PRKDC: variants seen among roughly 807,000 people sequenced by gnomAD.
PRKDC encodes DNA-dependent protein kinase catalytic subunit.
A neutral mutation model predicts 486.9 loss-of-function variants in PRKDC; 82 were observed. The ratio of observed to expected loss-of-function variants is 0.17; its 90% confidence interval spans 0.14 to 0.20. The LOEUF (loss-of-function observed/expected upper bound fraction) is 0.20, where lower values mean the gene tolerates loss of function less well. Among genes scored for constraint, PRKDC ranks in the 10% least tolerant of loss-of-function variants. The pLI, the probability that PRKDC is intolerant of heterozygous loss-of-function variation, is 1.00. For synonymous variants in PRKDC, 1,895 were observed against 1,837.0 expected, an observed-to-expected ratio of 1.03 and a Z score of -0.81; for missense variants, 4,504 against 5,038.2, an observed-to-expected ratio of 0.89 and a Z score of 3.21.
chr8:47,879,546 C>G lies in PRKDC; in HGVS notation c.5180G>C (p.Arg1727Thr), dbSNP rs1468916716. 4.4e-6 allele frequency: 7 copies of G among 1,597,712 alleles called. No homozygotes were observed. The South Asian group carries it at 8.0e-5, about 18-fold the overall frequency. ...CCGCGGAGTTCCTGGAGGAAATTCC[C>G]TGGACTGCATGGGGAAGTGAGCAAC... Reference protein sequence around the residue: ...LIVAHFPMQSREFPPGTPRFN... With the variant: ...LIVAHFPMQSTEFPPGTPRFN... The change falls in exon 39 of 86, where the codon AGG becomes ACG. Residue 1727 changes from arginine (R) to threonine (T), a missense_variant. Arg to Thr is a moderately conservative substitution (Grantham distance 71, BLOSUM62 -1). This residue lies in a region of PRKDC where 1,969 missense variants were observed against 2,068.9 expected (regional missense o/e 0.95). Transcript: ENST00000314191.
chr8:47,937,922 C>T (rs950752720), intron 11 of PRKDC, among the ~76,000 whole-genome samples: 1 of 152,054 alleles, frequency 6.6e-6, no homozygotes, highest in Non-Finnish European at 1.5e-5. Context: ...CATGAACAGT[C>T]TGTGTAACGA....
chr8:47,860,863 T>C (rs1310354307), intron 45 of PRKDC, 36 bp downstream of exon 45: 1 of 1,520,380 alleles, frequency 6.6e-7, no homozygotes. Context: ...AACCCATCGA[T>C]TTGAATCCTT....
At position 47,929,893 on chromosome 8, in the gene PRKDC, G is replaced by A. The variant is rs1019336608; in HGVS notation, c.2012C>T (p.Ser671Phe). ...PLISGFYKLLSITVRNAKKIK... is the reference protein window; with the variant it reads ...PLISGFYKLLFITVRNAKKIK... ...TTTCTTGGCATTTCTTACTGTAATA[G>A]AAAGCAATTTGTAGAAACCACTGAT... Residue 671 changes from serine to phenylalanine, a missense_variant, in exon 18 of 86, where the codon TCT becomes TTT. Ser to Phe is a radical substitution (Grantham distance 155). Transcript: ENST00000314191. 3 of 1,603,146 alleles carry A rather than the reference G, an allele frequency of 1.9e-6. No homozygotes were observed. Among genetic ancestry groups the A allele is most frequent in the Admixed American group, 1.8e-5 (1 of 56,810 alleles).
chr8:47,909,380 A>G (rs1024288185), intron 25 of PRKDC, among the ~76,000 whole-genome samples: 12 of 152,230 alleles, frequency 7.9e-5, no homozygotes, highest in African/African-American at 2.9e-4. Flanking sequence ...CAATACTCTT[A>G]TAATTTCTTA....
chr8:47,876,118 C>G (rs981867910), intron 40 of PRKDC, among the ~76,000 whole-genome samples: 1 of 152,154 alleles, frequency 6.6e-6, no homozygotes, highest in Non-Finnish European at 1.5e-5. Flanking sequence ...TGGCAGTCAA[C>G]TGTAAATGGT....
At chr8:47,952,768 T>A (rs966876703) in intron 7 of PRKDC, among the ~76,000 whole-genome samples, 3 of 151,990 alleles carry the variant, frequency 2.0e-5, no homozygotes, top group African/African-American at 7.3e-5. Flanking sequence ...CTTTAGGAAG[T>A]TGAGGCAGGC....
At chr8:47,902,498 T>A (rs192071747) in intron 27 of PRKDC, 71 bp downstream of exon 27, 2 of 1,077,406 alleles carry the variant, frequency 1.9e-6, no homozygotes, top group Admixed American at 3.1e-5. Context: ...GACACACGGA[T>A]ACACAGAGTG....
chr8:47,938,233 C>T lies in PRKDC; in HGVS notation c.1113+1318G>A, dbSNP rs575032129. Among the ~76,000 whole-genome samples, 29 of 151,742 alleles carry T rather than the reference C, an allele frequency of 1.9e-4. No individual in the cohort carries two copies. In the East Asian group the frequency reaches 2.9e-3, roughly 15 times the overall value. ...ACCAGCCTGACCAACATGGAGAAAC[C>T]CTGTCTCTACTAAAAATACAAAAAA... On this transcript the variant is annotated intron_variant, in intron 11 of 85. Coordinates refer to ENST00000314191, the MANE Select transcript of PRKDC (RefSeq NM_006904.7).
intron 21 of PRKDC, among the ~76,000 whole-genome samples, chr8:47,919,585 C>CT (rs756444631): frequency 1.1e-4 from 17 of 152,214 alleles, no homozygotes; most frequent in Non-Finnish European, 2.5e-4. Flanking sequence ...AGCAAGTCTT[C>CT]TCTTGGTTCC....
At chr8:47,838,633 A>C (rs2088077868) in intron 56 of PRKDC, among the ~76,000 whole-genome samples, 1 of 152,152 alleles carries the variant, frequency 6.6e-6, no homozygotes, top group Admixed American at 6.5e-5. Flanking sequence ...ATAATAATAA[A>C]AAGTTTACCC....
chr8:47,794,696 CTT>C, intron 73 of PRKDC, among the ~76,000 whole-genome samples, 195 bp from the exon 74 acceptor site: 1 of 152,344 alleles, frequency 6.6e-6, no homozygotes, highest in South Asian at 2.1e-4. Context: ...GGAGAACAGT[CTT>C]TTGTTGCAAG....
rs1002019986 is a variant in PRKDC, at chr8:47,888,544, G to A, written c.4387C>T (p.Leu1463Phe). ...TGAGACGGTAATATATTATGCAGAAGCCCAGCTCTGTGAAGCTGTTTACAG... is the reference window on the plus strand; with the variant it reads ...TGAGACGGTAATATATTATGCAGAAACCCAGCTCTGTGAAGCTGTTTACAG... ...SACKQLHRAG[L>F]LHNILPSQST... The change falls in exon 34 of 86, where the codon CTT becomes TTT. Residue 1463 changes from leucine (L) to phenylalanine (F), a missense_variant. Leu to Phe is a conservative substitution (Grantham distance 22). Around this residue, in one of 6 missense-constraint regions of PRKDC, gnomAD observed 1,969 missense variants for 2,068.9 expected, o/e 0.95. Transcript: ENST00000314191. 5 of 1,575,098 alleles carry A rather than the reference G, an allele frequency of 3.2e-6. No homozygotes were observed. The highest frequency in any genetic ancestry group is 4.3e-6 in the Non-Finnish European group (5 of 1,159,536).
chr8:47,927,122 C>T, intron 21 of PRKDC, 72 bp downstream of exon 21: 2 of 1,389,448 alleles, frequency 1.4e-6, no homozygotes, highest in South Asian at 2.9e-5. Flanking sequence ...TACAAAAATA[C>T]AGTCCTACCT....
At chr8:47,876,329 T>TC (rs1447606806) in intron 40 of PRKDC, among the ~76,000 whole-genome samples, 23 of 152,292 alleles carry the variant, frequency 1.5e-4, no homozygotes, top group Non-Finnish European at 2.9e-4. Flanking sequence ...GGAAGTTTAC[T>TC]ATGAGGAGTA....
chr8:47,917,560 G>A (rs1341156286), intron 22 of PRKDC, among the ~76,000 whole-genome samples: 4 of 151,830 alleles, frequency 2.6e-5, no homozygotes, highest in South Asian at 2.1e-4. Flanking sequence ...CTATCACATC[G>A]TATGGCTCAT....
chr8:47,893,197 C>A lies in PRKDC; in HGVS notation c.3789G>T (p.Ala1263=). ...CAATGAACGTGTTGTAGCACTCCAA[C>A]GCGGCCAGGAGCAGGTCCAGCCAGC... The part of the protein sequence containing the change: ...TLCWLDLLLA[A]LECYNTFIGE... Residue 1263 remains alanine, a synonymous_variant, in exon 31 of 86, where the codon GCG becomes GCT. Transcript: ENST00000314191. The A allele has an allele frequency of 6.2e-7, 1 of 1,613,096 alleles. No homozygotes were observed. The highest frequency in any genetic ancestry group is 8.5e-7 in the Non-Finnish European group (1 of 1,179,480).
rs948954480 is a variant in PRKDC at position 47,826,760 on chromosome 8, T to C, written c.8679A>G (p.Leu2893=). 1.7e-5 allele frequency: 27 copies of C among 1,612,548 alleles called. No individual in the cohort carries two copies. Among genetic ancestry groups the C allele is most frequent in the Admixed American group, 6.7e-5 (4 of 59,870 alleles). ...SLQQPVGIRL[L]EEALLRLLPA... ...GCAGCAGGCGGAGCAGAGCCTCCTC[T>C]AGCAGGCGGATGCCCACGGGCTGCT... The change falls in exon 63 of 86, where the codon CTA becomes CTG. Residue 2893 remains leucine (L), a synonymous_variant. Coordinates refer to ENST00000314191, the MANE Select transcript of PRKDC (RefSeq NM_006904.7).
rs780107854 is a variant in PRKDC, at chr8:47,889,138, T to C, written c.4156A>G (p.Ile1386Val). ...TGAGCCATAACCTGGACGTCTCCGA[T>C]GTTGAAACCTATGCTTGCGGGCTCA... ...LCEPASIGFN[I>V]GDVQVMAHLP... The change falls in exon 33 of 86, where the codon ATC becomes GTC. Residue 1386 changes from isoleucine to valine, a missense_variant. By Grantham distance (29) the Ile-to-Val change is conservative. Transcript: ENST00000314191. The C allele has an allele frequency of 3.7e-6, 6 of 1,613,928 alleles. No individual in the cohort carries two copies. In the African/African-American group the frequency reaches 8.0e-5, roughly 22 times the overall value.
At position 47,849,280 on chromosome 8, in the gene PRKDC, A is replaced by C; in HGVS notation, c.7154T>G (p.Leu2385Arg). 6.2e-7 allele frequency: 1 copy of C among 1,614,002 alleles called. No homozygotes were observed. The highest frequency in any genetic ancestry group is 8.5e-7 in the Non-Finnish European group (1 of 1,179,892). ...CAACACTCCATGAAATTTTGGCAGC[A>C]GAAAGAACACAGCATTCATGAACCT... ...ADRFMNAVFF[L>R]LPKFHGVLKT... Residue 2385 changes from leucine (L) to arginine (R), a missense_variant, in exon 54 of 86, where the codon CTG becomes CGG. By Grantham distance (102) the Leu-to-Arg change is moderately radical. This residue lies in a region of PRKDC where 1,592 missense variants were observed against 1,724.6 expected (regional missense o/e 0.92). Transcript: ENST00000314191.
Sources: gnomAD v4.1 joint callset for allele counts (sites outside exome capture counted in the v4.1 genomes callset) on GRCh38, gnomAD v4.1.1 for gene constraint, gnomAD v4.1.1 regional missense constraint, MANE v1.5 for transcripts, NCBI Gene and HGNC (gene_info 2026-07-23, HGNC 2026-07-21) for gene names.